YWHAG: variants seen among roughly 807,000 people sequenced by gnomAD.
The protein encoded by YWHAG is tyrosine 3-monooxygenase/tryptophan 5-monooxygenase activation protein gamma, also known as 14-3-3 protein gamma.
A neutral mutation model predicts 23.3 loss-of-function variants in YWHAG; 1 was observed. The ratio of observed to expected loss-of-function variants is 0.04; its 90% CI spans 0.02 to 0.20. The LOEUF (loss-of-function observed/expected upper bound fraction) is 0.20, where lower values mean the gene tolerates loss of function less well. Ranked by LOEUF, YWHAG falls within the 10% of genes least tolerant of loss-of-function variation. YWHAG has a pLI of 1.00. For synonymous variants in YWHAG, 160 were observed against 144.0 expected (o/e 1.11, Z -0.80); for missense variants, 151 against 338.6 (o/e 0.45, Z 4.35).
intron 1 of YWHAG, among the ~76,000 whole-genome samples, chr7:76,344,259 T>G (rs1401720744): frequency 2.0e-5 from 3 of 152,150 alleles, no homozygotes; most frequent in African/African-American, 7.2e-5. Context: ...CACAGGTGCA[T>G]GCCACCACGT....
chr7:76,341,928 G>A (rs569914937), intron 1 of YWHAG, among the ~76,000 whole-genome samples: 5 of 152,226 alleles, frequency 3.3e-5, no homozygotes, highest in African/African-American at 4.8e-5. Context: ...TGCACTATAC[G>A]ACAGTTTATA....
At chr7:76,355,619 C>G (rs1421196556) in intron 1 of YWHAG, among the ~76,000 whole-genome samples, 1 of 152,004 alleles carries the variant, frequency 6.6e-6, no homozygotes, top group Non-Finnish European at 1.5e-5. Context: ...AGCTATTGAT[C>G]TCCTGGAAGA....
At chr7:76,333,766 A>G (rs1803578718) in intron 1 of YWHAG, among the ~76,000 whole-genome samples, 1 of 152,266 alleles carries the variant, frequency 6.6e-6, no homozygotes, top group Non-Finnish European at 1.5e-5. Context: ...CCCGCGGTGC[A>G]GCCCTCATGA....
In YWHAG at chr7:76,358,875, C is replaced by A. The variant is rs1460298408; in HGVS notation, c.-67G>T. On this transcript the variant is annotated 5_prime_UTR_variant, in exon 1 of 2. Transcript: ENST00000307630. The stretch of plus-strand genomic sequence containing the variant: ...GGGGCGGCCTGAAGGGCTTGGAGGG[C>A]GCGACTGGAGCCCAAGTGCCGGAGA... 2 of 1,462,614 alleles carry A rather than the reference C, an allele frequency of 1.4e-6. No homozygotes were observed. Among genetic ancestry groups the A allele is most frequent in the South Asian group, 1.3e-5 (1 of 77,560 alleles). The allele number at this position is 1,462,614 out of a possible 1,614,324, so 90.6% of individuals were successfully genotyped here. A position where few individuals can be genotyped will look rare whatever the true frequency, so the allele number is the denominator to read the frequency against.
intron 1 of YWHAG, among the ~76,000 whole-genome samples, chr7:76,333,753 C>T (rs915080121): frequency 5.9e-5 from 9 of 152,372 alleles, no homozygotes; most frequent in Non-Finnish European, 1.2e-4. Context: ...GAAGACAAAC[C>T]GCCCCGCGGT....
intron 1 of YWHAG, among the ~76,000 whole-genome samples, chr7:76,337,533 T>C (rs1200450137): frequency 6.7e-6 from 1 of 150,300 alleles, no homozygotes; most frequent in African/African-American, 2.5e-5. Flanking sequence ...TTCCCTTTGC[T>C]AATTTTTTTT....
intron 1 of YWHAG, among the ~76,000 whole-genome samples, chr7:76,350,806 T>C (rs1309446258): frequency 6.6e-6 from 1 of 151,982 alleles, no homozygotes; most frequent in Non-Finnish European, 1.5e-5. Flanking sequence ...ATCGCGCCAC[T>C]GCACTCCACC....
intron 1 of YWHAG, among the ~76,000 whole-genome samples, chr7:76,336,086 C>T (rs1225012754): frequency 2.6e-5 from 4 of 152,342 alleles, no homozygotes; most frequent in Non-Finnish European, 5.9e-5. Flanking sequence ...TCACCCAACA[C>T]ATTGATTTAA....
chr7:76,345,940 C>CA (rs1007329786), intron 1 of YWHAG, among the ~76,000 whole-genome samples: 5 of 150,200 alleles, frequency 3.3e-5, no homozygotes, highest in African/African-American at 7.3e-5. Flanking sequence ...AACTCCGCCT[C>CA]AAAAAAAAAT....
intron 1 of YWHAG, among the ~76,000 whole-genome samples, chr7:76,341,003 AGCT>A (rs1803684919): frequency 6.6e-6 from 1 of 152,168 alleles, no homozygotes; most frequent in Non-Finnish European, 1.5e-5. Context: ...CCTCCCAAGT[AGCT>A]GGGACTACAG....
chr7:76,339,560 A>G (rs113404512), intron 1 of YWHAG, among the ~76,000 whole-genome samples: 2,157 of 152,334 alleles, frequency 0.014, 35 homozygotes, highest in South Asian at 0.059. Context: ...ACGGTTAGTA[A>G]TAACATACAG....
intron 1 of YWHAG, 77 bp from the exon 2 acceptor site, chr7:76,330,310 A>C: frequency 6.9e-7 from 1 of 1,442,480 alleles, no homozygotes; most frequent in African/African-American, 1.4e-5. Context: ...AGACACTAGA[A>C]CAGAGCTCTG....
intron 1 of YWHAG, among the ~76,000 whole-genome samples, chr7:76,335,215 G>A (rs745956469): frequency 1.3e-5 from 2 of 152,056 alleles, no homozygotes; most frequent in African/African-American, 4.8e-5. Context: ...GTGCCACTAC[G>A]CCCAGCTAAT....
intron 1 of YWHAG, 94 bp from the exon 2 acceptor site, chr7:76,330,327 A>G: frequency 7.8e-7 from 1 of 1,280,108 alleles, no homozygotes; most frequent in Non-Finnish European, 1.1e-6. Context: ...TCTGTTGAGT[A>G]ACATGATGAA....
chr7:76,351,274 C>T (rs1029007103), intron 1 of YWHAG, among the ~76,000 whole-genome samples: 1 of 152,168 alleles, frequency 6.6e-6, no homozygotes, highest in Non-Finnish European at 1.5e-5. Context: ...CCAAGATATT[C>T]TAGAATATTC....
intron 1 of YWHAG, among the ~76,000 whole-genome samples, chr7:76,347,673 T>C (rs1803802342): frequency 6.6e-6 from 1 of 152,220 alleles, no homozygotes; most frequent in Non-Finnish European, 1.5e-5. Context: ...TTTTCTTCCT[T>C]TGATCTTCAC....
At chr7:76,341,404 C>CAAAAAA (rs1158151013) in intron 1 of YWHAG, among the ~76,000 whole-genome samples, 9 of 44,660 alleles carry the variant, frequency 2.0e-4, no homozygotes, top group Admixed American at 3.6e-4. Context: ...ACTCTTGCCT[C>CAAAAAA]AAAAAAAAAA....
intron 1 of YWHAG, among the ~76,000 whole-genome samples, chr7:76,350,310 T>C (rs1378243323): frequency 1.3e-5 from 2 of 152,206 alleles, no homozygotes; most frequent in African/African-American, 4.8e-5. Context: ...CATGTATACA[T>C]AATACCTATT....
At chr7:76,335,515 A>G (rs1044390319) in intron 1 of YWHAG, among the ~76,000 whole-genome samples, 3 of 152,236 alleles carry the variant, frequency 2.0e-5, no homozygotes, top group African/African-American at 7.2e-5. Context: ...TTTTCCCCTA[A>G]GAGTTGATGA....
Sources: gnomAD v4.1 joint callset for allele counts (sites outside exome capture counted in the v4.1 genomes callset) on GRCh38, gnomAD v4.1.1 for gene constraint, MANE v1.5 for transcripts, NCBI Gene and HGNC (gene_info 2026-07-23, HGNC 2026-07-21) for gene names.